Variants in DNAJC3 observed in about 807,000 individuals in gnomAD.
DNAJC3 encodes the protein dnaJ homolog subfamily C member 3.
A neutral mutation model predicts 68.6 loss-of-function variants in DNAJC3; 38 were observed. The observed-to-expected ratio is 0.55, with a 90% CI of 0.43 to 0.73. The LOEUF (loss-of-function observed/expected upper bound fraction) is 0.73. DNAJC3 is among the 30% of genes least tolerant of loss of function. The pLI, the probability that DNAJC3 is intolerant of heterozygous loss-of-function variation, is 0.00. For missense variants in DNAJC3, 526 were observed against 591.9 expected (o/e 0.89, Z 1.16); for synonymous variants, 203 against 204.0 (o/e 1.00, Z 0.04).
At chr13:95,778,715 T>G (rs1341962429) in intron 9 of DNAJC3, among the ~76,000 whole-genome samples, 9 of 152,220 alleles carry the variant, frequency 5.9e-5, no homozygotes, top group African/African-American at 2.2e-4. Flanking sequence ...ATGTGTGCCC[T>G]TTATGAATGT....
At chr13:95,700,482 G>A (rs1435763212) in intron 1 of DNAJC3, among the ~76,000 whole-genome samples, 4 of 152,076 alleles carry the variant, frequency 2.6e-5, no homozygotes, top group Non-Finnish European at 5.9e-5. Flanking sequence ...TATACCAAGA[G>A]GTCCAACAGG....
chr13:95,773,000 G>T (rs1364126229), intron 9 of DNAJC3, among the ~76,000 whole-genome samples: 1 of 151,486 alleles, frequency 6.6e-6, no homozygotes, highest in Non-Finnish European at 1.5e-5. Flanking sequence ...GTTCAAAATT[G>T]TCCCTCCTCT....
intron 3 of DNAJC3, 39 bp downstream of exon 3, chr13:95,723,405 A>G (rs1343436033): frequency 1.9e-6 from 3 of 1,593,320 alleles, no homozygotes; most frequent in Admixed American, 1.7e-5. Context: ...GGAACTTAAC[A>G]GAACTTGGGG....
At chr13:95,693,733 A>G (rs1253336255) in intron 1 of DNAJC3, 1 of 152,186 alleles carries the variant, frequency 6.6e-6, no homozygotes. Flanking sequence ...TCCATTACAG[A>G]CATTCAACTT....
chr13:95,703,571 G>A (rs117708946), intron 1 of DNAJC3, among the ~76,000 whole-genome samples: 2 of 152,344 alleles, frequency 1.3e-5, no homozygotes, highest in African/African-American at 2.4e-5. Context: ...TTGAATGACT[G>A]AAAATGCTGT....
intron 4 of DNAJC3, among the ~76,000 whole-genome samples, chr13:95,734,059 T>A (rs1311772266): frequency 1.3e-5 from 2 of 152,198 alleles, no homozygotes; most frequent in Admixed American, 6.5e-5. Context: ...TTATTGTTTA[T>A]CTTTTTGGTT....
chr13:95,775,425 G>A (rs564184159), intron 9 of DNAJC3, among the ~76,000 whole-genome samples: 1 of 152,194 alleles, frequency 6.6e-6, no homozygotes, highest in East Asian at 1.9e-4. Flanking sequence ...CTCACCTTCA[G>A]TTTTAGTTGA....
chr13:95,712,857 C>T (rs545304009), intron 2 of DNAJC3, among the ~76,000 whole-genome samples: 8 of 152,142 alleles, frequency 5.3e-5, no homozygotes, highest in South Asian at 4.2e-4. Flanking sequence ...AATTTAATCA[C>T]GGGGGAAAAT....
At chr13:95,683,709 G>A (rs1265420133) in intron 1 of DNAJC3, among the ~76,000 whole-genome samples, 4 of 151,678 alleles carry the variant, frequency 2.6e-5, no homozygotes, top group African/African-American at 9.7e-5. Context: ...GATGGATCAC[G>A]AGGTCAGGAG....
At chr13:95,704,712 G>A (rs1026050739) in intron 1 of DNAJC3, among the ~76,000 whole-genome samples, 1 of 152,104 alleles carries the variant, frequency 6.6e-6, no homozygotes, top group Non-Finnish European at 1.5e-5. Flanking sequence ...CCACTAGGTG[G>A]CCAGCTGTCT....
chr13:95,770,501 G>A (rs1458069892), intron 9 of DNAJC3, among the ~76,000 whole-genome samples: 1 of 152,128 alleles, frequency 6.6e-6, no homozygotes, highest in South Asian at 2.1e-4. Context: ...AATGTTAACA[G>A]TGCCTCATAT....
chr13:95,771,248 T>C (rs774193023), intron 9 of DNAJC3, among the ~76,000 whole-genome samples: 1 of 152,216 alleles, frequency 6.6e-6, no homozygotes, highest in Non-Finnish European at 1.5e-5. Context: ...GCACAAGTCT[T>C]AGGGATACCA....
chr13:95,750,825 G>A (rs995739984), intron 4 of DNAJC3, among the ~76,000 whole-genome samples: 1 of 151,482 alleles, frequency 6.6e-6, no homozygotes, highest in African/African-American at 2.4e-5. Flanking sequence ...TATTCAATTT[G>A]TCTGTAAACT....
chr13:95,760,777 A>G lies in DNAJC3; in HGVS notation c.827A>G (p.Glu276Gly). The G allele has an allele frequency of 6.2e-7, 1 of 1,612,394 alleles. No individual in the cohort carries two copies. Among genetic ancestry groups the G allele is most frequent in the Non-Finnish European group, 8.5e-7 (1 of 1,179,158 alleles). Reference sequence around the variant, plus strand: ...CTTAATAAGCTGATTGAGTCAGCTGAAGAGCTCATCAGAGATGGCAGGTGA... The same window carrying G: ...CTTAATAAGCTGATTGAGTCAGCTGGAGAGCTCATCAGAGATGGCAGGTGA... The part of the protein sequence containing the change: ...KKLNKLIESA[E>G]ELIRDGRYTD... Residue 276 changes from glutamate to glycine, a missense_variant, in exon 7 of 12, where the codon GAA becomes GGA. Glu to Gly is a moderately conservative substitution (Grantham distance 98, BLOSUM62 -2). Transcript: ENST00000602402.
At chr13:95,733,868 T>C (rs949373998) in intron 4 of DNAJC3, among the ~76,000 whole-genome samples, 1 of 152,162 alleles carries the variant, frequency 6.6e-6, no homozygotes, top group Non-Finnish European at 1.5e-5. Flanking sequence ...GGAAGTTTCT[T>C]GTAAGTGCCA....
chr13:95,784,429 G>C (rs1192954967), intron 9 of DNAJC3, among the ~76,000 whole-genome samples: 1 of 151,984 alleles, frequency 6.6e-6, no homozygotes, highest in Non-Finnish European at 1.5e-5. Flanking sequence ...CTCTCCCTGT[G>C]ACGTCATAAA....
chr13:95,740,338 C>T (rs1045602428), intron 4 of DNAJC3, among the ~76,000 whole-genome samples: 3 of 151,686 alleles, frequency 2.0e-5, no homozygotes, highest in African/African-American at 7.2e-5. Context: ...GTGGGCTCCA[C>T]CCAGTTGGAG....
chr13:95,729,200 T>C (rs184094549), intron 4 of DNAJC3, among the ~76,000 whole-genome samples: 6 of 149,716 alleles, frequency 4.0e-5, no homozygotes, highest in Admixed American at 6.7e-5. Flanking sequence ...TCTCTCTCTC[T>C]CTTTCTCTCT....
intron 11 of DNAJC3, among the ~76,000 whole-genome samples, chr13:95,788,025 T>C (rs1344287014): frequency 1.3e-5 from 2 of 152,262 alleles, no homozygotes; most frequent in Non-Finnish European, 2.9e-5. Context: ...TCAAATCTTT[T>C]TTGAGTACTT....
Sources: allele counts gnomAD v4.1 joint callset (sites outside exome capture counted in the v4.1 genomes callset), GRCh38; gene constraint gnomAD v4.1.1; transcripts MANE v1.5; gene names NCBI Gene and HGNC (gene_info 2026-07-23, HGNC 2026-07-21).